KIF4A: variants seen among roughly 807,000 people sequenced by gnomAD.
The protein encoded by KIF4A is kinesin family member 4A.
Under a neutral mutation model 105.9 loss-of-function variants are expected in KIF4A, and 7 were observed. The ratio of observed to expected loss-of-function variants is 0.07; its 90% CI spans 0.04 to 0.12. The LOEUF is 0.12. Among genes scored for constraint, KIF4A ranks in the 10% least tolerant of loss-of-function variants. The pLI is 1.00. For missense variants in KIF4A, 558 were observed against 929.2 expected, an observed-to-expected ratio of 0.60 and a Z score of 5.19; for synonymous variants, 281 against 331.3, an observed-to-expected ratio of 0.85 and a Z score of 1.65.
At chrX:70,378,445 T>C (rs1002721933) in intron 18 of KIF4A, among the ~76,000 whole-genome samples, 1 of 111,492 alleles carries the variant, frequency 9.0e-6, no homozygotes, top group Non-Finnish European at 1.9e-5. Context: ...AGAGTAGAAA[T>C]AGGCTGGGCG....
intron 18 of KIF4A, among the ~76,000 whole-genome samples, chrX:70,384,312 G>A (rs956588017): frequency 9.0e-6 from 1 of 111,611 alleles, no homozygotes; most frequent in East Asian, 2.8e-4. Flanking sequence ...AAAAAGTACC[G>A]CGGGCTTTTC....
At chrX:70,311,454 C>T (rs1188225659) in intron 7 of KIF4A, among the ~76,000 whole-genome samples, 2 of 111,331 alleles carry the variant, frequency 1.8e-5, no homozygotes, top group African/African-American at 3.3e-5. Flanking sequence ...TTTAAAAAAG[C>T]TTTTCAAGCA....
chrX:70,330,699 G>A (rs745945673), intron 9 of KIF4A, among the ~76,000 whole-genome samples: 24 of 111,801 alleles, frequency 2.1e-4, no homozygotes, highest in Non-Finnish European at 4.0e-4. Context: ...GTGTTTTGGC[G>A]AGATCATTCT....
At chrX:70,316,601 AATG>A (rs1314887804) in intron 7 of KIF4A, among the ~76,000 whole-genome samples, 3 of 97,517 alleles carry the variant, frequency 3.1e-5, no homozygotes, top group African/African-American at 1.5e-4. Context: ...TATGTAATAT[AATG>A]ATATCAAGTC....
chrX:70,402,464 T>C lies in KIF4A; in HGVS notation c.2490-102T>C, dbSNP rs749796747. 44 of 947,537 alleles carry C rather than the reference T, an allele frequency of 4.6e-5. No individual in the cohort carries two copies. In the South Asian group the frequency reaches 1.0e-3, roughly 22 times the overall value. The allele number at this position is 947,537 out of a possible 1,213,427, so 78.1% of individuals were successfully genotyped here. On this transcript the variant is annotated intron_variant, in intron 22 of 30. Coordinates refer to ENST00000374403, the MANE Select transcript of KIF4A (RefSeq NM_012310.5). ...CATTATTTAAATGATATTTAACTGA[T>C]AGCTCCATCCATAAAATTATTTGAA...
intron 18 of KIF4A, among the ~76,000 whole-genome samples, chrX:70,379,162 C>CA (rs748515478): frequency 1.7e-4 from 13 of 76,435 alleles, no homozygotes; most frequent in East Asian, 3.7e-4. Context: ...GACTCCATCT[C>CA]AAAAAAAAAA....
intron 7 of KIF4A, among the ~76,000 whole-genome samples, chrX:70,303,057 C>CA (rs960870939): frequency 9.0e-6 from 1 of 111,706 alleles, no homozygotes; most frequent in African/African-American, 3.2e-5. Context: ...AGTAACAATA[C>CA]AAAAAAGAAA....
intron 22 of KIF4A, among the ~76,000 whole-genome samples, chrX:70,399,352 C>T (rs771084891): frequency 8.9e-6 from 1 of 111,988 alleles, no homozygotes; most frequent in African/African-American, 3.2e-5. Flanking sequence ...TTAAGGAAAA[C>T]AGCTGACAGT....
chrX:70,355,721 A>G (rs1309976337), intron 15 of KIF4A, among the ~76,000 whole-genome samples: 1 of 111,221 alleles, frequency 9.0e-6, no homozygotes, highest in African/African-American at 3.3e-5. Flanking sequence ...CGCCCGGTGC[A>G]GAGAAGTAAA....
chrX:70,375,346 C>T lies in KIF4A; in HGVS notation c.1921C>T (p.Arg641Trp), dbSNP rs377723545. Residue 641 changes from arginine to tryptophan, a missense_variant and splice_region_variant, in exon 17 of 31, where the codon CGG (arginine) becomes TGG (tryptophan). This residue lies in a region of KIF4A where 469 missense variants were observed against 680.4 expected (regional missense o/e 0.69). Coordinates refer to ENST00000374403, the MANE Select transcript of KIF4A (RefSeq NM_012310.5). ...RTVSKLNQEI[R>W]MMKNQRVQLM... ...TGTCTCCAAACTGAACCAGGAGATA[C>T]GGGTAATAAATTCTCATCCTTGCAT... The T allele has an allele frequency of 5.0e-6, 6 of 1,205,908 alleles. No homozygotes were observed. The highest frequency in any genetic ancestry group is 3.0e-5 in the East Asian group (1 of 33,717).
chrX:70,327,338 G>GA (rs989598520), intron 7 of KIF4A, among the ~76,000 whole-genome samples: 15 of 110,482 alleles, frequency 1.4e-4, no homozygotes, highest in African/African-American at 3.9e-4. Context: ...AATAGTGAAG[G>GA]AAAAAAATAA....
chrX:70,414,856 G>T (rs1602818303), intron 28 of KIF4A, among the ~76,000 whole-genome samples: 1 of 111,568 alleles, frequency 9.0e-6, no homozygotes, highest in East Asian at 2.8e-4. Flanking sequence ...GTCTTTAGGT[G>T]GTCGCTGAGG....
chrX:70,374,368 A>G (rs1353699455), intron 16 of KIF4A, 114 bp downstream of exon 16: 1 of 451,218 alleles, frequency 2.2e-6, no homozygotes, highest in Non-Finnish European at 3.7e-6. Flanking sequence ...AAACCTAATT[A>G]TGAAGAGGAA....
chrX:70,317,332 TG>T (rs1436676015), intron 7 of KIF4A, among the ~76,000 whole-genome samples: 4 of 111,697 alleles, frequency 3.6e-5, no homozygotes, highest in African/African-American at 1.3e-4. Flanking sequence ...TTCACTTCTT[TG>T]GTGAGACATA....
At chrX:70,339,384 G>T (rs923247990) in intron 10 of KIF4A, among the ~76,000 whole-genome samples, 3 of 110,917 alleles carry the variant, frequency 2.7e-5, no homozygotes, top group Non-Finnish European at 5.7e-5. Flanking sequence ...ATTTAGTCTG[G>T]GTTTCCTGAT....
chrX:70,398,276 G>A (rs1426023237), intron 22 of KIF4A, among the ~76,000 whole-genome samples: 2 of 112,006 alleles, frequency 1.8e-5, no homozygotes, highest in African/African-American at 6.5e-5. Flanking sequence ...GGCCTCAAGC[G>A]ATCGGCCTGC....
chrX:70,405,953 C>A, intron 26 of KIF4A, 48 bp downstream of exon 26: 1 of 1,023,062 alleles, frequency 9.8e-7, no homozygotes. Flanking sequence ...GACCCCGTTG[C>A]TACTGAGGCC....
At chrX:70,365,911 C>A (rs1295618223) in intron 15 of KIF4A, among the ~76,000 whole-genome samples, 1 of 111,680 alleles carries the variant, frequency 9.0e-6, no homozygotes, top group East Asian at 2.8e-4. Flanking sequence ...ATTATTGTCA[C>A]AATTTCAGAT....
intron 22 of KIF4A, among the ~76,000 whole-genome samples, chrX:70,398,563 C>A (rs2147735739): frequency 8.9e-6 from 1 of 111,940 alleles, no homozygotes; most frequent in South Asian, 3.8e-4. Context: ...GGTGACAACT[C>A]TGAAGTGTTG....
Sources: gnomAD v4.1 joint callset for allele counts (sites outside exome capture counted in the v4.1 genomes callset) on GRCh38, gnomAD v4.1.1 for gene constraint, gnomAD v4.1.1 regional missense constraint, MANE v1.5 for transcripts, NCBI Gene and HGNC (gene_info 2026-07-23, HGNC 2026-07-21) for gene names.